Variants in GSK3B observed in about 807,000 individuals in gnomAD.
GSK3B encodes glycogen synthase kinase 3 beta.
A neutral mutation model predicts 56.4 loss-of-function variants in GSK3B; 15 were observed. That is an observed-to-expected ratio of 0.27 (90% CI 0.18 to 0.41). The LOEUF (loss-of-function observed/expected upper bound fraction) is 0.41. Ranked by LOEUF, GSK3B falls within the 10% of genes least tolerant of loss-of-function variation. GSK3B has a pLI of 1.00. For synonymous variants in GSK3B, 181 were observed against 188.9 expected, an observed-to-expected ratio of 0.96 and a Z score of 0.34; for missense variants, 300 against 513.4, an observed-to-expected ratio of 0.58 and a Z score of 4.02.
intron 1 of GSK3B, among the ~76,000 whole-genome samples, chr3:120,075,780 T>C (rs148407902): frequency 6.6e-6 from 1 of 152,202 alleles, no homozygotes; most frequent in African/African-American, 2.4e-5. Flanking sequence ...CAAAAGAATA[T>C]TGTTAAAATT....
chr3:119,951,102 G>A (rs2057152221), intron 2 of GSK3B, among the ~76,000 whole-genome samples: 1 of 152,232 alleles, frequency 6.6e-6, no homozygotes. Flanking sequence ...TACTGGAAAT[G>A]AGAGAGGCAC....
intron 7 of GSK3B, among the ~76,000 whole-genome samples, chr3:119,895,721 T>C (rs1354742089): frequency 6.6e-6 from 1 of 152,160 alleles, no homozygotes. Flanking sequence ...TGACAATAAA[T>C]ATAAAGGTTT....
chr3:120,007,985 T>C (rs956215414), intron 1 of GSK3B, among the ~76,000 whole-genome samples: 1 of 150,684 alleles, frequency 6.6e-6, no homozygotes, highest in African/African-American at 2.4e-5. Context: ...TTGTCTCTGT[T>C]TGACGTCTCA....
chr3:119,822,800 T>C lies in GSK3B; in HGVS notation c.*3988A>G, dbSNP rs955470685. 4.4e-6 allele frequency: 1 copy of C among 228,502 alleles called. No individual in the cohort carries two copies. Among genetic ancestry groups the C allele is most frequent in the Non-Finnish European group, 8.7e-6 (1 of 115,196 alleles). 14.2% of individuals were successfully genotyped at this position (228,502 alleles called of 1,614,324 possible). A position where few individuals can be genotyped will look rare whatever the true frequency, so the allele number is the denominator to read the frequency against. ...TGAACAGTAGGAATCAGATACAATTTCAGTTGAAAAGAAAGAAAACCCCCC... is the reference window on the plus strand; with the variant it reads ...TGAACAGTAGGAATCAGATACAATTCCAGTTGAAAAGAAAGAAAACCCCCC... On this transcript the variant is annotated 3_prime_UTR_variant, in exon 11 of 11. Transcript: ENST00000264235.
At chr3:119,920,860 T>C (rs1329793869) in intron 4 of GSK3B, among the ~76,000 whole-genome samples, 2 of 152,192 alleles carry the variant, frequency 1.3e-5, no homozygotes, top group African/African-American at 4.8e-5. Flanking sequence ...AAAAAGAAGA[T>C]GCATTACATC....
chr3:120,022,915 C>T (rs543566419), intron 1 of GSK3B, among the ~76,000 whole-genome samples: 1 of 152,164 alleles, frequency 6.6e-6, no homozygotes, highest in Admixed American at 6.6e-5. Flanking sequence ...ACATCCGATG[C>T]CAAAGCAGAG....
chr3:119,980,071 A>G (rs2057445854), intron 2 of GSK3B, among the ~76,000 whole-genome samples: 1 of 152,174 alleles, frequency 6.6e-6, no homozygotes, highest in African/African-American at 2.4e-5. Flanking sequence ...AATGTCTATT[A>G]AAAGAGCTCT....
chr3:120,091,218 G>C (rs889236892), intron 1 of GSK3B, among the ~76,000 whole-genome samples: 2 of 152,026 alleles, frequency 1.3e-5, no homozygotes, highest in Admixed American at 6.6e-5. Context: ...TGAGAGCAAG[G>C]ACTACAATTT....
chr3:119,863,711 T>G, intron 8 of GSK3B, 106 bp from the exon 9 acceptor site: 2 of 704,728 alleles, frequency 2.8e-6, no homozygotes, highest in Non-Finnish European at 4.8e-6. Context: ...GAAACATGGT[T>G]GCATTTGGGA....
intron 7 of GSK3B, among the ~76,000 whole-genome samples, chr3:119,901,896 T>G (rs1278501064): frequency 5.9e-5 from 9 of 152,220 alleles, no homozygotes; most frequent in Admixed American, 5.9e-4. Flanking sequence ...TTCTTTTTTT[T>G]GCTTAAACTT....
Position 120,074,176 on chromosome 3 carries a change from A to C in GSK3B, c.88+19171T>G, listed in dbSNP as rs531413947. On this transcript the variant is annotated intron_variant, in intron 1 of 10. Coordinates refer to ENST00000264235, the MANE Select transcript of GSK3B (RefSeq NM_001146156.2). The stretch of plus-strand genomic sequence containing the variant: ...AAAAATTAGCTGGGCGTTGTAGCAC[A>C]TATCTGCAGTACCACTCAGGAGGCT... 2.4e-4 allele frequency among the ~76,000 whole-genome samples: 36 copies of C among 152,040 alleles called. No homozygotes were observed. The East Asian group carries it at 6.8e-3, about 29-fold the overall frequency.
chr3:119,905,928 T>G lies in GSK3B; in HGVS notation c.716-76A>C, dbSNP rs72546702. ...AAAAGTGTTTGTATACGTTTTCTAA[T>G]TTTACTTTGATCACAGAGTAAATAT... On this transcript the variant is annotated intron_variant, in intron 6 of 10. Transcript: ENST00000264235. 1.8e-5 allele frequency: 15 copies of G among 841,668 alleles called. No individual in the cohort carries two copies. In the Admixed American group the frequency reaches 2.8e-4, roughly 16 times the overall value. 52.1% of individuals were successfully genotyped at this position (841,668 alleles called of 1,614,324 possible).
At chr3:119,914,558 C>T (rs2056764044) in intron 5 of GSK3B, among the ~76,000 whole-genome samples, 1 of 151,984 alleles carries the variant, frequency 6.6e-6, no homozygotes, top group Non-Finnish European at 1.5e-5. Context: ...GCAGTTTTTC[C>T]TATAGACAAG....
chr3:119,853,137 C>A (rs1048797610), intron 9 of GSK3B, among the ~76,000 whole-genome samples: 29 of 152,258 alleles, frequency 1.9e-4, no homozygotes, highest in Non-Finnish European at 3.5e-4. Flanking sequence ...CAGCTTTCTA[C>A]ATATGGCTAG....
chr3:119,960,476 A>C (rs1380627102), intron 2 of GSK3B, among the ~76,000 whole-genome samples: 1 of 152,232 alleles, frequency 6.6e-6, no homozygotes, highest in Non-Finnish European at 1.5e-5. Context: ...GAATCTGAGG[A>C]AATTTGAATA....
chr3:119,905,558 A>G (rs978270218), intron 7 of GSK3B, among the ~76,000 whole-genome samples, 197 bp downstream of exon 7: 1 of 152,138 alleles, frequency 6.6e-6, no homozygotes, highest in Non-Finnish European at 1.5e-5. Flanking sequence ...AGGATCATAC[A>G]AGAGAAGAGT....
chr3:119,853,456 A>C (rs951689092), intron 9 of GSK3B, among the ~76,000 whole-genome samples: 1 of 152,186 alleles, frequency 6.6e-6, no homozygotes, highest in Non-Finnish European at 1.5e-5. Context: ...ATTTCTGTGA[A>C]GAAAGTCATT....
chr3:119,863,364 C>T, intron 9 of GSK3B, 55 bp downstream of exon 9: 6 of 1,365,750 alleles, frequency 4.4e-6, no homozygotes, highest in Non-Finnish European at 6.3e-6. Flanking sequence ...TGTCATTTCA[C>T]ACCCAGGGTG....
intron 1 of GSK3B, among the ~76,000 whole-genome samples, chr3:120,055,602 A>G (rs1207935903): frequency 1.3e-5 from 2 of 152,186 alleles, no homozygotes; most frequent in Non-Finnish European, 2.9e-5. Flanking sequence ...AGGAGGGGAG[A>G]ACACATCAAG....
Sources: allele counts gnomAD v4.1 joint callset (sites outside exome capture counted in the v4.1 genomes callset), GRCh38; gene constraint gnomAD v4.1.1; transcripts MANE v1.5; gene names NCBI Gene and HGNC (gene_info 2026-07-23, HGNC 2026-07-21).